The following ACTN1 variants were observed in gnomAD, a reference collection of about 807,000 sequenced individuals.
The protein encoded by ACTN1 is alpha-actinin-1.
A neutral mutation model predicts 119.6 loss-of-function variants in ACTN1; 30 were observed. The observed-to-expected ratio is 0.25, with a 90% CI of 0.19 to 0.34. The LOEUF (loss-of-function observed/expected upper bound fraction) is 0.34. ACTN1 is among the 10% of genes least tolerant of loss of function. The pLI, the probability that ACTN1 is intolerant of heterozygous loss-of-function variation, is 1.00. For synonymous variants in ACTN1, 429 were observed against 472.6 expected (o/e 0.91, Z 1.20); for missense variants, 764 against 1,223.4 (o/e 0.62, Z 5.60).
intron 3 of ACTN1, among the ~76,000 whole-genome samples, chr14:68,919,552 G>C (rs1339335785): frequency 6.6e-6 from 1 of 152,196 alleles, no homozygotes. Context: ...AACATGTATT[G>C]AGCACCTACT....
intron 8 of ACTN1, among the ~76,000 whole-genome samples, chr14:68,899,372 C>T (rs2033140022): frequency 1.6e-5 from 2 of 126,066 alleles, no homozygotes; most frequent in South Asian, 2.4e-4. Flanking sequence ...AGTCCCCACA[C>T]CCCATACACC....
chr14:68,922,922 G>C (rs1594819596), intron 2 of ACTN1, among the ~76,000 whole-genome samples: 1 of 152,132 alleles, frequency 6.6e-6, no homozygotes, highest in African/African-American at 2.4e-5. Flanking sequence ...TCCTCATCCT[G>C]GGGCACCCTA....
At chr14:68,942,273 A>T (rs2035786218) in intron 1 of ACTN1, among the ~76,000 whole-genome samples, 1 of 152,166 alleles carries the variant, frequency 6.6e-6, no homozygotes, top group Admixed American at 6.6e-5. Flanking sequence ...CCAGCTACCC[A>T]GGAGGCTGAG....
intron 8 of ACTN1, among the ~76,000 whole-genome samples, chr14:68,901,189 T>C (rs1048285567): frequency 6.2e-5 from 5 of 81,104 alleles, no homozygotes; most frequent in African/African-American, 1.1e-4. Context: ...CCATCATGCA[T>C]TTTTTTTTTG....
intron 1 of ACTN1, among the ~76,000 whole-genome samples, chr14:68,932,398 T>G (rs901203997): frequency 1.3e-4 from 19 of 151,674 alleles, no homozygotes; most frequent in Non-Finnish European, 1.5e-4. Flanking sequence ...GATGGCCTAC[T>G]GTGGGAGCTC....
At chr14:68,968,577 G>A (rs12588004) in intron 1 of ACTN1, among the ~76,000 whole-genome samples, 25,477 of 152,240 alleles carry the variant, frequency 0.17, 2,279 homozygotes, top group Non-Finnish European at 0.2. Flanking sequence ...GGTTAACTCC[G>A]GTGAGGGAAG....
chr14:68,949,175 G>A (rs1052303278), intron 1 of ACTN1, among the ~76,000 whole-genome samples: 1 of 152,250 alleles, frequency 6.6e-6, no homozygotes, highest in Admixed American at 6.5e-5. Context: ...AAACAGCCCA[G>A]GACAGGAAGA....
At chr14:68,946,459 T>C (rs893011142) in intron 1 of ACTN1, among the ~76,000 whole-genome samples, 2 of 152,056 alleles carry the variant, frequency 1.3e-5, no homozygotes, top group African/African-American at 2.4e-5. Flanking sequence ...CCTGTGCTTC[T>C]AGAAAACTTC....
chr14:68,929,762 C>T (rs924849305), intron 1 of ACTN1, among the ~76,000 whole-genome samples: 4 of 152,200 alleles, frequency 2.6e-5, no homozygotes, highest in Admixed American at 1.3e-4. Flanking sequence ...TCTCTGAGGA[C>T]CCGGGACAGA....
At chr14:68,946,370 C>T (rs1216711180) in intron 1 of ACTN1, among the ~76,000 whole-genome samples, 3 of 152,202 alleles carry the variant, frequency 2.0e-5, no homozygotes, top group Non-Finnish European at 4.4e-5. Flanking sequence ...GCAGTGGGAC[C>T]CCAGTTCCTG....
rs780365201 is a variant in ACTN1, at chr14:68,893,718, C to T, written c.792G>A (p.Lys264=). 5.0e-5 allele frequency: 80 copies of T among 1,614,112 alleles called. No individual in the cohort carries two copies. Among genetic ancestry groups the T allele is most frequent in the Non-Finnish European group, 6.5e-5 (77 of 1,180,018 alleles). The change falls in exon 9 of 22, where the codon AAG becomes AAA. Residue 264 remains lysine (K), a synonymous_variant. Coordinates refer to ENST00000394419, the MANE Select transcript of ACTN1 (RefSeq NM_001130004.2). The part of the protein sequence containing the change: ...KAETAANRIC[K]VLAVNQENEQ... ...CGTTCTCCTGGTTGACGGCCAACAC[C>T]TTGCAGATGCGATTGGCTGCTGTCT...
At chr14:68,894,751 C>G (rs2032752648) in intron 8 of ACTN1, among the ~76,000 whole-genome samples, 1 of 151,978 alleles carries the variant, frequency 6.6e-6, no homozygotes, top group South Asian at 2.1e-4. Context: ...ATCCTGAGAC[C>G]CTGGAGAAGG....
chr14:68,979,128 G>A lies in ACTN1; in HGVS notation c.-72C>T. ...TCTGAGCAACGGCTGCTGCCCTGGC[G>A]TGGGGAGGGAGTAGGGCTGGGCTGG... is the stretch of plus-strand genomic sequence containing the variant. On this transcript the variant is annotated 5_prime_UTR_variant, in exon 1 of 22. In the 5' UTR this introduces an upstream ATG that the reference lacks. Coordinates refer to ENST00000394419, the MANE Select transcript of ACTN1 (RefSeq NM_001130004.2). 9.1e-7 allele frequency: 1 copy of A among 1,104,080 alleles called. No individual in the cohort carries two copies. The allele number at this position is 1,104,080 out of a possible 1,614,324, so 68.4% of individuals were successfully genotyped here.
At chr14:68,929,613 G>T (rs1280145648) in intron 1 of ACTN1, among the ~76,000 whole-genome samples, 1 of 152,170 alleles carries the variant, frequency 6.6e-6, no homozygotes, top group Non-Finnish European at 1.5e-5. Context: ...TCCAGAAATG[G>T]CTTCAGGGAT....
chr14:68,973,437 C>T (rs979451157), intron 1 of ACTN1, among the ~76,000 whole-genome samples: 17 of 152,226 alleles, frequency 1.1e-4, no homozygotes, highest in African/African-American at 4.1e-4. Context: ...CTTCGCTCTG[C>T]ACTTCTCCAT....
chr14:68,916,012 C>CA lies in ACTN1; in HGVS notation c.341-3771dup, dbSNP rs987269125. The stretch of plus-strand genomic sequence containing the variant: ...CTAAGCAAGAGAGCGAGACTCATCT[C>CA]AAAAAAACAAAACAAAAAAGACAAT... On this transcript the variant is annotated intron_variant, in intron 3 of 21. Transcript: ENST00000394419. 2.0e-5 allele frequency among the ~76,000 whole-genome samples: 3 copies of CA among 151,750 alleles called. 1 individual carries two copies. Among genetic ancestry groups the CA allele is most frequent in the Non-Finnish European group, 4.4e-5 (3 of 67,968 alleles).
At chr14:68,884,127 C>T (rs759861849) in intron 14 of ACTN1, 41 bp downstream of exon 14, 1 of 1,587,018 alleles carries the variant, frequency 6.3e-7, no homozygotes, top group Non-Finnish European at 8.6e-7. Context: ...GGCCAGGGGC[C>T]CCAGGGGAGC....
chr14:68,978,576 T>G (rs1353086904), intron 1 of ACTN1: 1 of 281,390 alleles, frequency 3.6e-6, no homozygotes, highest in Non-Finnish European at 6.9e-6. Context: ...GGAAAATCGA[T>G]CCGGAGCAAG....
At chr14:68,946,624 G>T (rs903917422) in intron 1 of ACTN1, among the ~76,000 whole-genome samples, 2 of 152,128 alleles carry the variant, frequency 1.3e-5, no homozygotes, top group Non-Finnish European at 1.5e-5. Flanking sequence ...TGACACCTGT[G>T]GATTCCCAGT....
Sources: allele counts gnomAD v4.1 joint callset (sites outside exome capture counted in the v4.1 genomes callset), GRCh38; gene constraint gnomAD v4.1.1; transcripts MANE v1.5; gene names NCBI Gene and HGNC (gene_info 2026-07-23, HGNC 2026-07-21).